ADCY1: variants seen among roughly 807,000 people sequenced by gnomAD.
ADCY1 encodes the protein adenylate cyclase type 1.
In ADCY1, 28 loss-of-function variants were observed where a neutral mutation model predicts 105.4. The ratio of observed to expected loss-of-function variants is 0.27; its 90% confidence interval spans 0.20 to 0.36. ADCY1 has a LOEUF of 0.36. Among genes scored for constraint, ADCY1 ranks in the 10% least tolerant of loss-of-function variants. The pLI is 1.00. For synonymous variants in ADCY1, 655 were observed against 623.8 expected (o/e 1.05, Z -0.75); for missense variants, 977 against 1,434.2 (o/e 0.68, Z 5.15).
At chr7:45,656,008 C>T (rs1794930895) in intron 5 of ADCY1, among the ~76,000 whole-genome samples, 1 of 152,008 alleles carries the variant, frequency 6.6e-6, no homozygotes, top group African/African-American at 2.4e-5. Context: ...GTATATTCAG[C>T]TGGGCATGGT....
chr7:45,579,969 C>T (rs1280883450), intron 1 of ADCY1, among the ~76,000 whole-genome samples: 4 of 150,846 alleles, frequency 2.7e-5, no homozygotes, highest in Admixed American at 1.3e-4. Flanking sequence ...CTTCCCCCCT[C>T]GCCCCCATTT....
Position 45,721,355 on chromosome 7 carries a change from C to G in ADCY1, c.*7360C>G. On this transcript the variant is annotated 3_prime_UTR_variant, in exon 20 of 20. Transcript: ENST00000297323. Reference sequence around the variant, plus strand: ...AAATAAAATGTTAGGCTTTAAAAATCCCTACTTTGTCATATCAGACTATAT... The same window carrying G: ...AAATAAAATGTTAGGCTTTAAAAATGCCTACTTTGTCATATCAGACTATAT... 1 of 245,066 alleles carries G rather than the reference C, an allele frequency of 4.1e-6. No individual in the cohort carries two copies. The highest frequency in any genetic ancestry group is 7.7e-6 in the Non-Finnish European group (1 of 129,102). 15.2% of individuals were successfully genotyped at this position (245,066 alleles called of 1,614,324 possible).
intron 3 of ADCY1, among the ~76,000 whole-genome samples, chr7:45,618,107 G>A (rs1230688235): frequency 6.6e-6 from 1 of 152,102 alleles, no homozygotes; most frequent in Non-Finnish European, 1.5e-5. Context: ...TTTGACAAAG[G>A]TGCCAAGAAC....
At chr7:45,592,651 G>A in intron 1 of ADCY1, 108 bp from the exon 2 acceptor site, 1 of 1,496,194 alleles carries the variant, frequency 6.7e-7, no homozygotes, top group African/African-American at 1.4e-5. Flanking sequence ...GTTTGGCCCG[G>A]GCGGCGTGGC....
chr7:45,636,885 A>AT (rs1278205361), intron 4 of ADCY1, among the ~76,000 whole-genome samples: 2 of 151,856 alleles, frequency 1.3e-5, no homozygotes, highest in African/African-American at 4.8e-5. Context: ...TTTTGCTTTT[A>AT]TTTTTTCTAC....
At chr7:45,681,116 G>A (rs111287739) in intron 11 of ADCY1, among the ~76,000 whole-genome samples, 6 of 152,124 alleles carry the variant, frequency 3.9e-5, no homozygotes, top group African/African-American at 7.2e-5. Context: ...AGCAAAATCT[G>A]CACCCAATCT....
intron 14 of ADCY1, among the ~76,000 whole-genome samples, chr7:45,700,172 T>C (rs561379327): frequency 5.3e-5 from 8 of 152,286 alleles, no homozygotes; most frequent in African/African-American, 1.7e-4. Context: ...ACAACAGTTA[T>C]GGGGCTACTC....
At position 45,574,538 on chromosome 7, in the gene ADCY1, G is replaced by T. The variant is rs1037324019; in HGVS notation, c.-6G>T. 5.1e-6 allele frequency: 5 copies of T among 977,534 alleles called. No individual in the cohort carries two copies. In the African/African-American group the frequency reaches 8.9e-5, roughly 17 times the overall value. 60.6% of individuals were successfully genotyped at this position (977,534 alleles called of 1,614,324 possible). A position where few individuals can be genotyped will look rare whatever the true frequency, so the allele number is the denominator to read the frequency against. Reference sequence around the variant, plus strand: ...CCCGCGGCCGCGGCCGCTGCATGGCGCTGAGATGGCGGGGGCGCCGCGCGG... The same window carrying T: ...CCCGCGGCCGCGGCCGCTGCATGGCTCTGAGATGGCGGGGGCGCCGCGCGG... On this transcript the variant is annotated 5_prime_UTR_variant, in exon 1 of 20. Coordinates refer to ENST00000297323, the MANE Select transcript of ADCY1 (RefSeq NM_021116.4). The surrounding 1 kb of genome is among the most constrained non-coding windows in gnomAD (Gnocchi z 7.0).
intron 4 of ADCY1, among the ~76,000 whole-genome samples, chr7:45,635,973 A>G (rs866425840): frequency 2.6e-5 from 4 of 152,022 alleles, no homozygotes; most frequent in Non-Finnish European, 5.9e-5. Context: ...TTTCAGTTCT[A>G]TTTTTACTTC....
chr7:45,696,446 A>G (rs1584338601), intron 14 of ADCY1, among the ~76,000 whole-genome samples: 2 of 151,542 alleles, frequency 1.3e-5, no homozygotes, highest in Non-Finnish European at 2.9e-5. Context: ...CTCAAAAAAA[A>G]AAAAAAAAAA....
At chr7:45,652,382 G>A (rs147982574) in intron 5 of ADCY1, among the ~76,000 whole-genome samples, 28 of 152,306 alleles carry the variant, frequency 1.8e-4, no homozygotes, top group African/African-American at 6.0e-4. Context: ...GGGTGTTGGG[G>A]CTCCATTGTC....
intron 4 of ADCY1, among the ~76,000 whole-genome samples, chr7:45,639,355 G>A (rs1257368179): frequency 6.6e-6 from 1 of 152,226 alleles, no homozygotes; most frequent in Non-Finnish European, 1.5e-5. Flanking sequence ...CCAAGGCCCA[G>A]TCTCATTCCA....
At chr7:45,658,108 G>A (rs1448916431) in intron 6 of ADCY1, among the ~76,000 whole-genome samples, 5 of 152,188 alleles carry the variant, frequency 3.3e-5, no homozygotes, top group Non-Finnish European at 7.3e-5. Context: ...TGAGCCTGGC[G>A]CACATCTACA....
chr7:45,585,328 A>G (rs1356830266), intron 1 of ADCY1, among the ~76,000 whole-genome samples: 1 of 152,132 alleles, frequency 6.6e-6, no homozygotes, highest in Non-Finnish European at 1.5e-5. Context: ...TCTGATAGTT[A>G]ATTTTTAAAA....
intron 12 of ADCY1, 121 bp from the exon 13 acceptor site, chr7:45,685,841 C>A (rs56108410): frequency 2.4e-6 from 3 of 1,270,072 alleles, no homozygotes; most frequent in Non-Finnish European, 3.2e-6. Context: ...TGTGATAGCA[C>A]TGGGGGTGGG....
chr7:45,619,874 C>G (rs1001778887), intron 3 of ADCY1, among the ~76,000 whole-genome samples: 2 of 152,152 alleles, frequency 1.3e-5, no homozygotes, highest in South Asian at 4.1e-4. Flanking sequence ...ATACACGTAG[C>G]TATGCAGAAG....
In ADCY1 at chr7:45,574,440, C is replaced by CCTCGCCG. The variant is rs1257140072; in HGVS notation, c.-102_-96dup. 2.7e-5 allele frequency: 4 copies of CCTCGCCG among 150,448 alleles called. No homozygotes were observed. Among genetic ancestry groups the CCTCGCCG allele is most frequent in the African/African-American group, 9.9e-5 (4 of 40,414 alleles). The allele number at this position is 150,448 out of a possible 1,614,324, so 9.3% of individuals were successfully genotyped here. A position where few individuals can be genotyped will look rare whatever the true frequency, so the allele number is the denominator to read the frequency against. ...CCGCCCCGCGCCCCGCGCCCCGGCG[C>CCTCGCCG]CTCGCCGCCCGCCGCCCGCCCGCCC... On this transcript the variant is annotated 5_prime_UTR_variant, in exon 1 of 20. Transcript: ENST00000297323. The surrounding 1 kb of genome is among the most constrained non-coding windows in gnomAD (Gnocchi z 7.0).
At chr7:45,604,350 T>A (rs1317716305) in intron 2 of ADCY1, among the ~76,000 whole-genome samples, 1 of 152,228 alleles carries the variant, frequency 6.6e-6, no homozygotes, top group African/African-American at 2.4e-5. Flanking sequence ...CAAATATTTT[T>A]AATATTGATG....
chr7:45,678,368 C>A, intron 10 of ADCY1, 105 bp downstream of exon 10: 1 of 1,059,108 alleles, frequency 9.4e-7, no homozygotes, highest in Non-Finnish European at 1.5e-6. Flanking sequence ...GTTGTATGCT[C>A]AAGCTTCGTC....
Sources: allele counts gnomAD v4.1 joint callset (sites outside exome capture counted in the v4.1 genomes callset), GRCh38; gene constraint gnomAD v4.1.1; non-coding constraint Gnocchi (gnomAD v3.1); transcripts MANE v1.5; gene names NCBI Gene and HGNC (gene_info 2026-07-23, HGNC 2026-07-21).